The following SYN3 variants were observed in gnomAD, a reference collection of about 807,000 sequenced individuals.
The protein encoded by SYN3 is synapsin-3.
Under a neutral mutation model 65.8 loss-of-function variants are expected in SYN3, and 35 were observed. The observed-to-expected ratio is 0.53, with a 90% CI of 0.41 to 0.70. The LOEUF (loss-of-function observed/expected upper bound fraction) is 0.70. Among genes scored for constraint, SYN3 ranks in the 30% least tolerant of loss-of-function variants. The pLI, the probability that SYN3 is intolerant of heterozygous loss-of-function variation, is 0.00. For synonymous variants in SYN3, 270 were observed against 292.9 expected (o/e 0.92, Z 0.80); for missense variants, 680 against 749.0 (o/e 0.91, Z 1.08).
At chr22:32,615,898 A>G (rs1205801605) in intron 6 of SYN3, among the ~76,000 whole-genome samples, 2 of 152,188 alleles carry the variant, frequency 1.3e-5, no homozygotes, top group Non-Finnish European at 2.9e-5. Context: ...TGCAAAGTGG[A>G]GGGAATGCAA....
At chr22:32,872,496 C>T (rs1293264827) in intron 4 of SYN3, among the ~76,000 whole-genome samples, 1 of 152,138 alleles carries the variant, frequency 6.6e-6, no homozygotes, top group Non-Finnish European at 1.5e-5. Flanking sequence ...TTCAAGGTGG[C>T]CACCATGACC....
intron 6 of SYN3, among the ~76,000 whole-genome samples, chr22:32,779,159 T>C (rs575568985): frequency 6.6e-6 from 1 of 152,246 alleles, no homozygotes; most frequent in South Asian, 2.1e-4. Context: ...GAATGATGGA[T>C]TTAAAATATG....
At chr22:33,032,461 T>C (rs912745130) in intron 1 of SYN3, among the ~76,000 whole-genome samples, 4 of 151,536 alleles carry the variant, frequency 2.6e-5, no homozygotes, top group African/African-American at 7.3e-5. Context: ...GCTGAGATCG[T>C]GCCACTGCAC....
intron 3 of SYN3, among the ~76,000 whole-genome samples, chr22:32,952,295 G>T (rs549970014): frequency 1.5e-4 from 22 of 150,426 alleles, no homozygotes; most frequent in Non-Finnish European, 2.4e-4. Context: ...TGTGTGTGTG[G>T]GGGGGTGTGT....
chr22:32,885,940 T>C (rs1311017874), intron 4 of SYN3, among the ~76,000 whole-genome samples: 1 of 152,160 alleles, frequency 6.6e-6, no homozygotes, highest in East Asian at 1.9e-4. Flanking sequence ...ATTCACCTCA[T>C]GGCACCAGAA....
At chr22:32,875,965 C>T (rs1279458170) in intron 4 of SYN3, among the ~76,000 whole-genome samples, 1 of 152,224 alleles carries the variant, frequency 6.6e-6, no homozygotes, top group Non-Finnish European at 1.5e-5. Context: ...TCTTTCAGGA[C>T]TTGCTGGCTT....
Position 32,518,387 on chromosome 22 carries a change from T to G in SYN3, c.1319-53A>C, listed in dbSNP as rs911883661. 13 of 1,597,768 alleles carry G rather than the reference T, an allele frequency of 8.1e-6. No individual in the cohort carries two copies. The Admixed American group carries it at 1.2e-4, about 14-fold the overall frequency. ...GTTCAATTTTTTTTCTTAGGATAGA[T>G]ATGGCTGTACACAAATAATGTTGCT... On this transcript the variant is annotated intron_variant, in intron 12 of 13. Coordinates refer to ENST00000358763, the MANE Select transcript of SYN3 (RefSeq NM_003490.4).
intron 4 of SYN3, among the ~76,000 whole-genome samples, chr22:32,923,253 G>A (rs1324707721): frequency 6.6e-6 from 1 of 152,214 alleles, no homozygotes; most frequent in African/African-American, 2.4e-5. Flanking sequence ...GAAGACAGGT[G>A]TCCCAGGTCA....
rs1310144502 is a variant in SYN3, at chr22:32,990,277, AATCCATCCATGAATCCATCCATGAATCC to A, written c.312-9603_312-9576del. Among the ~76,000 whole-genome samples the A allele has an allele frequency of 2.2e-3, 304 of 139,608 alleles. 2 individuals carry two copies. The highest frequency in any genetic ancestry group is 9.4e-3 in the African/African-American group (286 of 30,398). The allele number at this position is 139,608 out of a possible 152,430, so 91.6% of individuals were successfully genotyped here. On this transcript the variant is annotated intron_variant, in intron 2 of 13. Transcript: ENST00000358763. The stretch of plus-strand genomic sequence containing the variant: ...TCATCCACCCAACTACCCATCCATG[AATCCATCCATGAATCCATCCATGAATCC>A]ATCCATCCATCCATCCATCCATCCA...
chr22:32,965,793 C>T (rs933679296), intron 3 of SYN3, among the ~76,000 whole-genome samples: 5 of 152,108 alleles, frequency 3.3e-5, no homozygotes, highest in East Asian at 3.9e-4. Flanking sequence ...CTCCCGGGTT[C>T]GCGCCATTCT....
At chr22:32,796,284 C>A (rs1344144283) in intron 6 of SYN3, among the ~76,000 whole-genome samples, 1 of 152,180 alleles carries the variant, frequency 6.6e-6, no homozygotes, top group African/African-American at 2.4e-5. Context: ...TCCCACCACC[C>A]TAGATAACAC....
At position 32,837,633 on chromosome 22, in the gene SYN3, G is replaced by C. The variant is rs1003515996; in HGVS notation, c.711+27282C>G. On this transcript the variant is annotated intron_variant, in intron 6 of 13. Transcript: ENST00000358763. The surrounding 1 kb of genome is among the most constrained non-coding windows in gnomAD (Gnocchi z 4.1). ...GGTTCTGATGCAAAGACCCAGGCTT[G>C]TTTCTAGGGGTTTCTTGGGGCTTCG... 6.6e-6 allele frequency among the ~76,000 whole-genome samples: 1 copy of C among 152,168 alleles called. No homozygotes were observed. The highest frequency in any genetic ancestry group is 2.1e-4 in the South Asian group (1 of 4,830).
intron 6 of SYN3, among the ~76,000 whole-genome samples, chr22:32,841,568 C>T (rs1050052048): frequency 2.0e-5 from 3 of 151,500 alleles, no homozygotes; most frequent in African/African-American, 7.3e-5. Context: ...TTGGATGGGT[C>T]GAATTTGAGA....
chr22:32,529,170 C>T (rs1400042546), intron 10 of SYN3, 162 bp from the exon 11 acceptor site: 1 of 810,738 alleles, frequency 1.2e-6, no homozygotes, highest in Non-Finnish European at 2.0e-6. Context: ...CCGGCAGCGA[C>T]ATCAGTTCCC....
At chr22:33,000,342 T>C (rs2053021432) in intron 2 of SYN3, among the ~76,000 whole-genome samples, 1 of 152,064 alleles carries the variant, frequency 6.6e-6, no homozygotes, top group Non-Finnish European at 1.5e-5. Flanking sequence ...GGAGAGAGTA[T>C]CTTTAAATGC....
intron 1 of SYN3, among the ~76,000 whole-genome samples, chr22:33,055,333 A>G (rs916374158): frequency 3.9e-5 from 6 of 152,220 alleles, no homozygotes; most frequent in Non-Finnish European, 5.9e-5. Flanking sequence ...CAATTTGCCC[A>G]CTATGCGCTC....
At chr22:32,604,183 T>C (rs972440701) in intron 6 of SYN3, among the ~76,000 whole-genome samples, 1 of 152,068 alleles carries the variant, frequency 6.6e-6, no homozygotes, top group Non-Finnish European at 1.5e-5. Context: ...ATAGTCAGAG[T>C]CTGGTCCTAC....
chr22:32,551,735 C>A (rs1419084039), intron 7 of SYN3, among the ~76,000 whole-genome samples: 1 of 151,730 alleles, frequency 6.6e-6, no homozygotes. Context: ...AAAAAAGAAG[C>A]TTTTGTGTGT....
intron 2 of SYN3, among the ~76,000 whole-genome samples, chr22:32,988,307 A>AAAT (rs58058197): frequency 0.086 from 12,184 of 142,280 alleles, 536 homozygotes; most frequent in African/African-American, 0.1. Flanking sequence ...CTCTGTCTCA[A>AAAT]AATAATAATA....
Sources: allele counts gnomAD v4.1 joint callset (sites outside exome capture counted in the v4.1 genomes callset), GRCh38; gene constraint gnomAD v4.1.1; non-coding constraint Gnocchi (gnomAD v3.1); transcripts MANE v1.5; gene names NCBI Gene and HGNC (gene_info 2026-07-23, HGNC 2026-07-21).